The following VIPR2 variants were observed in gnomAD, a reference collection of about 807,000 sequenced individuals.
VIPR2 encodes vasoactive intestinal peptide receptor 2, also known as vasoactive intestinal polypeptide receptor 2.
Under a neutral mutation model 58.0 loss-of-function variants are expected in VIPR2, and 48 were observed. That is an observed-to-expected ratio of 0.83 (90% CI 0.66 to 1.05). VIPR2 has a LOEUF of 1.05. VIPR2 is among the 50% of genes least tolerant of loss of function. VIPR2 has a pLI of 0.00. For synonymous variants in VIPR2, 243 were observed against 235.2 expected, an observed-to-expected ratio of 1.03 and a Z score of -0.30; for missense variants, 534 against 558.0, an observed-to-expected ratio of 0.96 and a Z score of 0.43.
At chr7:159,115,490 C>T (rs1796201777) in intron 2 of VIPR2, among the ~76,000 whole-genome samples, 1 of 152,224 alleles carries the variant, frequency 6.6e-6, no homozygotes, top group South Asian at 2.1e-4. Context: ...CAAAACTTGG[C>T]AGAGGGGTAG....
chr7:159,091,623 C>T (rs1857509202), intron 4 of VIPR2, among the ~76,000 whole-genome samples: 1 of 152,222 alleles, frequency 6.6e-6, no homozygotes, highest in Non-Finnish European at 1.5e-5. Flanking sequence ...TCCGGTTCCC[C>T]CATCAGCAAT....
chr7:159,034,730 C>T (rs1853820602), intron 8 of VIPR2, 80 bp from the exon 9 acceptor site: 1 of 1,137,170 alleles, frequency 8.8e-7, no homozygotes, highest in Non-Finnish European at 1.3e-6. Context: ...GCCTGCCCCT[C>T]CCAACTTGCC....
chr7:159,142,799 A>G (rs1214056590), intron 1 of VIPR2, among the ~76,000 whole-genome samples: 3 of 152,222 alleles, frequency 2.0e-5, no homozygotes, highest in Non-Finnish European at 1.5e-5. Flanking sequence ...ACTTACTAAC[A>G]GAATACATCG....
At chr7:159,134,062 AATG>A (rs1446250184) in intron 2 of VIPR2, among the ~76,000 whole-genome samples, 2 of 152,374 alleles carry the variant, frequency 1.3e-5, no homozygotes, top group East Asian at 3.9e-4. Context: ...AGTTAAATTA[AATG>A]ATATTTACTA....
intron 5 of VIPR2, among the ~76,000 whole-genome samples, chr7:159,047,170 G>A (rs1389301873): frequency 6.6e-6 from 1 of 152,202 alleles, no homozygotes; most frequent in East Asian, 1.9e-4. Flanking sequence ...AGGAGGCAGA[G>A]GTTGAGATTG....
chr7:159,052,693 C>T (rs2730265), intron 5 of VIPR2, among the ~76,000 whole-genome samples: 89,107 of 151,990 alleles, frequency 0.59, 27,877 homozygotes, highest in East Asian at 0.71. Context: ...CATAATATAT[C>T]AAAACCATGT....
At chr7:159,114,129 C>G (rs1796145829) in intron 2 of VIPR2, among the ~76,000 whole-genome samples, 1 of 152,010 alleles carries the variant, frequency 6.6e-6, no homozygotes, top group Admixed American at 6.5e-5. Context: ...CAGGCCAAAG[C>G]AAAATAGTGC....
At chr7:159,103,068 A>G (rs1858398014) in intron 4 of VIPR2, among the ~76,000 whole-genome samples, 1 of 152,238 alleles carries the variant, frequency 6.6e-6, no homozygotes, top group Admixed American at 6.5e-5. Flanking sequence ...GGAAGTTTGC[A>G]CGGATGGACC....
chr7:159,124,954 A>G (rs1273923197), intron 2 of VIPR2, among the ~76,000 whole-genome samples: 4 of 152,186 alleles, frequency 2.6e-5, no homozygotes, highest in Non-Finnish European at 5.9e-5. Flanking sequence ...GTTGGTATAT[A>G]GAAATGCTAG....
chr7:159,045,743 G>A (rs185990626), intron 5 of VIPR2, among the ~76,000 whole-genome samples: 131 of 151,706 alleles, frequency 8.6e-4, no homozygotes, highest in Non-Finnish European at 1.7e-3. Flanking sequence ...GATACCAAAA[G>A]CACAGCAAAA....
chr7:159,073,127 C>A (rs983027911), intron 4 of VIPR2, among the ~76,000 whole-genome samples: 1 of 152,092 alleles, frequency 6.6e-6, no homozygotes, highest in African/African-American at 2.4e-5. Flanking sequence ...AGAAAAAGCA[C>A]AACATCTTAT....
intron 2 of VIPR2, among the ~76,000 whole-genome samples, chr7:159,141,904 G>T (rs1357635945): frequency 6.6e-6 from 1 of 152,230 alleles, no homozygotes; most frequent in African/African-American, 2.4e-5. Flanking sequence ...TAAACAGGTT[G>T]ATAGCAGGCC....
chr7:159,103,743 A>G lies in VIPR2; in HGVS notation c.357+14T>C, dbSNP rs754409416. The G allele has an allele frequency of 6.2e-7, 1 of 1,610,524 alleles. No homozygotes were observed. Among genetic ancestry groups the G allele is most frequent in the South Asian group, 1.1e-5 (1 of 91,008 alleles). On this transcript the variant is annotated intron_variant, in intron 4 of 12. Coordinates refer to ENST00000262178, the MANE Select transcript of VIPR2 (RefSeq NM_003382.5). Reference sequence around the variant, plus strand: ...AGTGGAACCTCACCACCGTAGCACCACGCAGGAGCCTACCTTGCTCTCATC... The same window carrying G: ...AGTGGAACCTCACCACCGTAGCACCGCGCAGGAGCCTACCTTGCTCTCATC...
In VIPR2 at chr7:159,040,387, G is replaced by A. The variant is rs112225265; in HGVS notation, c.597+2648C>T. 1.8e-3 allele frequency among the ~76,000 whole-genome samples: 277 copies of A among 152,380 alleles called. 2 individuals carry two copies. The highest frequency in any genetic ancestry group is 6.4e-3 in the African/African-American group (266 of 41,596). ...CGTGAGTACGCACACATGTGCACGTGAGGCAGGCAGGACTCAGCTTAGTAA... is the reference window on the plus strand; with the variant it reads ...CGTGAGTACGCACACATGTGCACGTAAGGCAGGCAGGACTCAGCTTAGTAA... On this transcript the variant is annotated intron_variant, in intron 6 of 12. Coordinates refer to ENST00000262178, the MANE Select transcript of VIPR2 (RefSeq NM_003382.5).
rs990186204 is a variant in VIPR2 at position 159,062,493 on chromosome 7, G to A, written c.358-3915C>T. Among the ~76,000 whole-genome samples the A allele has an allele frequency of 5.3e-5, 8 of 152,222 alleles. No homozygotes were observed. In the East Asian group the frequency reaches 1.5e-3, roughly 29 times the overall value. On this transcript the variant is annotated intron_variant, in intron 4 of 12. Coordinates refer to ENST00000262178, the MANE Select transcript of VIPR2 (RefSeq NM_003382.5). ...AAGAGTGAAGCTGCAGACCTTCACGGTGAGTGTTACAGCTCTTAAGGCGGC... is the reference window on the plus strand; with the variant it reads ...AAGAGTGAAGCTGCAGACCTTCACGATGAGTGTTACAGCTCTTAAGGCGGC...
chr7:159,102,726 G>A (rs898217121), intron 4 of VIPR2, among the ~76,000 whole-genome samples: 10 of 152,224 alleles, frequency 6.6e-5, no homozygotes, highest in Non-Finnish European at 5.9e-5. Flanking sequence ...AGGGGCAGGC[G>A]GAGCAGGGTC....
intron 4 of VIPR2, among the ~76,000 whole-genome samples, chr7:159,090,295 A>G (rs1231361631): frequency 2.5e-5 from 2 of 81,518 alleles, no homozygotes; most frequent in African/African-American, 7.0e-5. Flanking sequence ...CACAGGGGCC[A>G]CCTCCTGCGA....
In VIPR2 at chr7:159,029,538, G is replaced by C. The variant is rs978145901; in HGVS notation, c.*1078C>G. On this transcript the variant is annotated 3_prime_UTR_variant, in exon 13 of 13. Transcript: ENST00000262178. ...GATTATTTTTGTTAAAAAGAGAATAGGTTTCCGGTTCCCACTCAGCTGTAT... is the reference window on the plus strand; with the variant it reads ...GATTATTTTTGTTAAAAAGAGAATACGTTTCCGGTTCCCACTCAGCTGTAT... The C allele has an allele frequency of 6.6e-6, 1 of 152,254 alleles. No individual in the cohort carries two copies. Among genetic ancestry groups the C allele is most frequent in the African/African-American group, 2.4e-5 (1 of 41,464 alleles). 9.4% of individuals were successfully genotyped at this position (152,254 alleles called of 1,614,324 possible). A position where few individuals can be genotyped will look rare whatever the true frequency, so the allele number is the denominator to read the frequency against.
chr7:159,075,094 A>G (rs1856571897), intron 4 of VIPR2, among the ~76,000 whole-genome samples: 1 of 152,236 alleles, frequency 6.6e-6, no homozygotes, highest in Non-Finnish European at 1.5e-5. Context: ...AGACTACATG[A>G]CTACATGTGG....
Sources: gnomAD v4.1 joint callset for allele counts (sites outside exome capture counted in the v4.1 genomes callset) on GRCh38, gnomAD v4.1.1 for gene constraint, MANE v1.5 for transcripts, NCBI Gene and HGNC (gene_info 2026-07-23, HGNC 2026-07-21) for gene names.